LRP1B: variants seen among roughly 807,000 people sequenced by gnomAD.
The protein encoded by LRP1B is LDL receptor related protein 1B.
Under a neutral mutation model 556.6 loss-of-function variants are expected in LRP1B, and 217 were observed. That is an observed-to-expected ratio of 0.39 (90% CI 0.35 to 0.44). The LOEUF (loss-of-function observed/expected upper bound fraction) is 0.44. Ranked by LOEUF, LRP1B falls within the 20% of genes least tolerant of loss-of-function variation. The pLI is 1.00. For missense variants in LRP1B, 5,053 were observed against 5,620.8 expected, an observed-to-expected ratio of 0.90 and a Z score of 3.23; for synonymous variants, 2,047 against 1,865.8, an observed-to-expected ratio of 1.10 and a Z score of -2.50.
In LRP1B at chr2:141,425,301, T is replaced by G. The variant is rs1476113022; in HGVS notation, c.343+55095A>C. ...TCCATGGTGTATATGTGCCACATTTTCTTAATCCAGTCTATCATTGTTGGA... is the reference window on the plus strand; with the variant it reads ...TCCATGGTGTATATGTGCCACATTTGCTTAATCCAGTCTATCATTGTTGGA... On this transcript the variant is annotated intron_variant, in intron 3 of 90. Coordinates refer to ENST00000389484, the MANE Select transcript of LRP1B (RefSeq NM_018557.3). Among the ~76,000 whole-genome samples the G allele has an allele frequency of 6.7e-5, 10 of 150,026 alleles. No homozygotes were observed. The East Asian group carries it at 9.8e-4, about 15-fold the overall frequency.
intron 23 of LRP1B, among the ~76,000 whole-genome samples, chr2:140,896,046 G>A (rs1693943730): frequency 6.6e-6 from 1 of 151,970 alleles, no homozygotes; most frequent in Admixed American, 6.6e-5. Flanking sequence ...CTTGAGGGTG[G>A]GGACCTCACG....
At chr2:141,681,595 AG>A (rs1403133410) in intron 2 of LRP1B, among the ~76,000 whole-genome samples, 5 of 152,246 alleles carry the variant, frequency 3.3e-5, no homozygotes, top group African/African-American at 9.6e-5. Context: ...GATTTCCTGA[AG>A]GTAAGATTTA....
rs1687736086 is a variant in LRP1B at position 140,730,371 on chromosome 2, A to G, written c.5759-13555T>C. Among the ~76,000 whole-genome samples, 5 of 152,224 alleles carry G rather than the reference A, an allele frequency of 3.3e-5. No individual in the cohort carries two copies. The South Asian group carries it at 1.0e-3, about 31-fold the overall frequency. On this transcript the variant is annotated intron_variant, in intron 35 of 90. Coordinates refer to ENST00000389484, the MANE Select transcript of LRP1B (RefSeq NM_018557.3). The stretch of plus-strand genomic sequence containing the variant: ...GTACATCATACAAGGCAATTCACTT[A>G]GATAGCATCCAAACTTTTTTGATGA...
At chr2:140,345,650 ATG>A (rs891815096) in intron 77 of LRP1B, among the ~76,000 whole-genome samples, 1 of 147,238 alleles carries the variant, frequency 6.8e-6, no homozygotes, top group Admixed American at 6.9e-5. Flanking sequence ...GTATGTATAT[ATG>A]TGTGTGTGTA....
chr2:141,524,358 C>A (rs925250712), intron 2 of LRP1B, among the ~76,000 whole-genome samples: 3 of 151,774 alleles, frequency 2.0e-5, no homozygotes, highest in African/African-American at 7.3e-5. Context: ...ACTATTCCTT[C>A]TTCTGCTGTT....
At chr2:140,499,739 G>C (rs1689100067) in intron 55 of LRP1B, among the ~76,000 whole-genome samples, 1 of 144,700 alleles carries the variant, frequency 6.9e-6, no homozygotes, top group Non-Finnish European at 1.6e-5. Context: ...AAAATATTTA[G>C]AAACGTTTAA....
At position 140,385,953 on chromosome 2, in the gene LRP1B, C is replaced by T. The variant is rs201065495; in HGVS notation, c.10471G>A (p.Asp3491Asn). Residue 3491 changes from aspartate to asparagine, a missense_variant, in exon 67 of 91, where the codon GAT (aspartate) becomes AAT (asparagine). Transcript: ENST00000389484. ...FQCKNNNCIP[D>N]HWRCDSQNDC... ...TTTTGGCTATCACACCGCCAGTGAT[C>T]GGGAATACAGTTGTTGTTTTTACAC... 1.1e-5 allele frequency: 18 copies of T among 1,613,544 alleles called. No individual in the cohort carries two copies. Among genetic ancestry groups the T allele is most frequent in the East Asian group, 4.5e-5 (2 of 44,844 alleles).
chr2:141,797,319 C>G (rs1695858616), intron 2 of LRP1B, among the ~76,000 whole-genome samples: 1 of 151,000 alleles, frequency 6.6e-6, no homozygotes, highest in South Asian at 2.1e-4. Flanking sequence ...GATGGAGACA[C>G]AAAGAGAGGA....
chr2:142,004,988 GAT>G (rs958263192), intron 1 of LRP1B, among the ~76,000 whole-genome samples: 2 of 148,392 alleles, frequency 1.3e-5, no homozygotes, highest in Non-Finnish European at 3.0e-5. Flanking sequence ...TAGTATTATA[GAT>G]ACTATATATT....
Position 141,187,703 on chromosome 2 carries a change from C to G in LRP1B, c.1013+718G>C, listed in dbSNP as rs185325454. 1.6e-4 allele frequency among the ~76,000 whole-genome samples: 25 copies of G among 151,774 alleles called. 1 individual carries two copies. The East Asian group carries it at 4.7e-3, about 28-fold the overall frequency. ...TGTATTGATTTTCTAATCATATGAA[C>G]AAAGATGATGGGAATTTAAACATTT... On this transcript the variant is annotated intron_variant, in intron 7 of 90. Coordinates refer to ENST00000389484, the MANE Select transcript of LRP1B (RefSeq NM_018557.3).
At chr2:141,177,550 A>G (rs1355927658) in intron 7 of LRP1B, among the ~76,000 whole-genome samples, 5 of 152,170 alleles carry the variant, frequency 3.3e-5, no homozygotes, top group African/African-American at 1.2e-4. Context: ...TTGAACCTGC[A>G]GATTTAAAGA....
At chr2:141,501,275 A>C (rs1350150739) in intron 2 of LRP1B, among the ~76,000 whole-genome samples, 1 of 152,120 alleles carries the variant, frequency 6.6e-6, no homozygotes, top group Admixed American at 6.6e-5. Context: ...TTCAAGCTAG[A>C]AAATAGGTGT....
At chr2:141,599,273 C>A (rs954402576) in intron 2 of LRP1B, among the ~76,000 whole-genome samples, 1 of 151,878 alleles carries the variant, frequency 6.6e-6, no homozygotes, top group African/African-American at 2.4e-5. Flanking sequence ...AAAAAAAATT[C>A]TATTTCTCCA....
At chr2:141,843,732 C>T (rs577945565) in intron 1 of LRP1B, among the ~76,000 whole-genome samples, 14 of 152,230 alleles carry the variant, frequency 9.2e-5, no homozygotes, top group Admixed American at 5.2e-4. Context: ...TTTAACAAGA[C>T]GGCAAAGCAT....
At chr2:141,990,729 ATG>A (rs1702320619) in intron 1 of LRP1B, among the ~76,000 whole-genome samples, 3 of 152,218 alleles carry the variant, frequency 2.0e-5, no homozygotes, top group African/African-American at 7.2e-5. Context: ...AGAGTGGTGT[ATG>A]TGTGTATCTA....
chr2:141,083,832 C>T (rs1040227967), intron 7 of LRP1B, among the ~76,000 whole-genome samples: 5 of 152,182 alleles, frequency 3.3e-5, no homozygotes, highest in Admixed American at 2.6e-4. Flanking sequence ...TCACCAGATT[C>T]ACCCCCCGAC....
chr2:141,726,443 T>C (rs969705810), intron 2 of LRP1B, among the ~76,000 whole-genome samples: 8 of 151,996 alleles, frequency 5.3e-5, no homozygotes, highest in Admixed American at 4.6e-4. Flanking sequence ...TCCTACAATG[T>C]GCATTCTAGG....
At chr2:142,000,932 C>T (rs998846016) in intron 1 of LRP1B, among the ~76,000 whole-genome samples, 20 of 152,056 alleles carry the variant, frequency 1.3e-4, no homozygotes, top group African/African-American at 4.6e-4. Context: ...TCCCATAATT[C>T]CCATATGTTG....
chr2:140,459,902 A>C (rs995978820), intron 60 of LRP1B, among the ~76,000 whole-genome samples: 13 of 152,042 alleles, frequency 8.6e-5, no homozygotes, highest in Middle Eastern at 3.2e-3. Flanking sequence ...ATGTGAAGAC[A>C]TGTTTGCTTC....
Sources: allele counts gnomAD v4.1 joint callset (sites outside exome capture counted in the v4.1 genomes callset), GRCh38; gene constraint gnomAD v4.1.1; transcripts MANE v1.5; gene names NCBI Gene and HGNC (gene_info 2026-07-23, HGNC 2026-07-21).